The following MGAT4C variants were observed in gnomAD, a reference collection of about 807,000 sequenced individuals.
MGAT4C encodes the protein MGAT4 family member C.
A neutral mutation model predicts 40.1 loss-of-function variants in MGAT4C; 19 were observed. The observed-to-expected ratio is 0.47, with a 90% CI of 0.33 to 0.70. The LOEUF is 0.70. MGAT4C is among the 30% of genes least tolerant of loss of function. The pLI, the probability that MGAT4C is intolerant of heterozygous loss-of-function variation, is 0.02. For synonymous variants in MGAT4C, 181 were observed against 187.1 expected, an observed-to-expected ratio of 0.97 and a Z score of 0.27; for missense variants, 491 against 563.2, an observed-to-expected ratio of 0.87 and a Z score of 1.30.
At chr12:86,685,475 A>C (rs1950057569) in intron 2 of MGAT4C, among the ~76,000 whole-genome samples, 1 of 151,702 alleles carries the variant, frequency 6.6e-6, no homozygotes, top group Non-Finnish European at 1.5e-5. Flanking sequence ...AGTGCCTCCA[A>C]ATTTGTTCTT....
intron 1 of MGAT4C, among the ~76,000 whole-genome samples, chr12:86,119,588 T>C (rs1379481817): frequency 1.3e-5 from 2 of 151,984 alleles, no homozygotes; most frequent in Non-Finnish European, 2.9e-5. Context: ...TTTGTATTTT[T>C]AGTAGAGACA....
At chr12:86,698,686 G>C (rs1184875597) in intron 2 of MGAT4C, among the ~76,000 whole-genome samples, 1 of 151,936 alleles carries the variant, frequency 6.6e-6, no homozygotes, top group African/African-American at 2.4e-5. Context: ...TGTGGGGGGG[G>C]TGGGTATTCT....
intron 2 of MGAT4C, among the ~76,000 whole-genome samples, chr12:86,508,165 G>A (rs1044367331): frequency 4.0e-5 from 6 of 151,874 alleles, no homozygotes; most frequent in East Asian, 1.9e-4. Context: ...CCACTAACTC[G>A]TCATCTAGCA....
intron 1 of MGAT4C, among the ~76,000 whole-genome samples, chr12:86,231,300 A>T (rs574549352): frequency 6.6e-6 from 1 of 152,320 alleles, no homozygotes; most frequent in South Asian, 2.1e-4. Flanking sequence ...CTTAGGCAAG[A>T]TCCATTAAAA....
chr12:86,415,576 T>G (rs1364206676), intron 3 of MGAT4C, among the ~76,000 whole-genome samples: 1 of 151,980 alleles, frequency 6.6e-6, no homozygotes, highest in African/African-American at 2.4e-5. Flanking sequence ...CTATGCACAA[T>G]GGATTCATCA....
chr12:86,437,513 A>G (rs1235062328), intron 2 of MGAT4C, among the ~76,000 whole-genome samples: 5 of 151,916 alleles, frequency 3.3e-5, no homozygotes, highest in Non-Finnish European at 5.9e-5. Context: ...TAAATGACTT[A>G]TAGTATTTAT....
At chr12:86,590,940 G>A (rs1222189243) in intron 2 of MGAT4C, among the ~76,000 whole-genome samples, 5 of 151,912 alleles carry the variant, frequency 3.3e-5, no homozygotes, top group Admixed American at 1.3e-4. Context: ...ACTTGGAAAT[G>A]CATCAGAAAG....
chr12:86,687,341 T>C (rs893623708), intron 2 of MGAT4C, among the ~76,000 whole-genome samples: 3 of 152,182 alleles, frequency 2.0e-5, no homozygotes, highest in Non-Finnish European at 4.4e-5. Context: ...TCTCCTTCAG[T>C]TCTGCTGTGA....
chr12:86,339,599 A>T (rs1954865603), intron 3 of MGAT4C, among the ~76,000 whole-genome samples: 2 of 152,202 alleles, frequency 1.3e-5, no homozygotes, highest in Non-Finnish European at 2.9e-5. Flanking sequence ...CTTACCACAG[A>T]CAGATCTGAG....
At chr12:86,837,161 G>A (rs184033465) in intron 1 of MGAT4C, among the ~76,000 whole-genome samples, 18 of 152,186 alleles carry the variant, frequency 1.2e-4, no homozygotes, top group African/African-American at 4.3e-4. Flanking sequence ...AGTGAGTGGA[G>A]GGAAAAGGTT....
chr12:86,659,633 C>T (rs1963933117), intron 2 of MGAT4C, among the ~76,000 whole-genome samples: 1 of 151,822 alleles, frequency 6.6e-6, no homozygotes, highest in African/African-American at 2.4e-5. Context: ...AAGTACAAAA[C>T]AATAACAAAA....
intron 3 of MGAT4C, among the ~76,000 whole-genome samples, chr12:86,344,736 GTGTGTGTGTGTGTGTGTGTA>G (rs1262192198): frequency 2.8e-4 from 42 of 147,726 alleles, no homozygotes; most frequent in African/African-American, 9.9e-4. Flanking sequence ...GTGTGTGTGT[GTGTGTGTGTGTGTGTGTGTA>G]TGTGTGTGTG....
rs142950585 is a variant in MGAT4C, at chr12:86,031,844, G to A, written c.-7+17830C>T. ...AAATTGTGTGTCTCTGGGGTTTAGTGTAGAGATTATTTCATTACCCAGGTA... is the reference window on the plus strand; with the variant it reads ...AAATTGTGTGTCTCTGGGGTTTAGTATAGAGATTATTTCATTACCCAGGTA... On this transcript the variant is annotated intron_variant, in intron 2 of 4. Transcript: ENST00000611864. 1.8e-3 allele frequency among the ~76,000 whole-genome samples: 272 copies of A among 151,982 alleles called. 1 individual carries two copies. The highest frequency in any genetic ancestry group is 3.3e-3 in the Non-Finnish European group (222 of 67,868).
chr12:86,296,419 G>A (rs1385012465), intron 4 of MGAT4C, among the ~76,000 whole-genome samples: 1 of 81,062 alleles, frequency 1.2e-5, no homozygotes, highest in Non-Finnish European at 2.9e-5. Context: ...TCAGCCCTTG[G>A]GCGGTCGATG....
At chr12:86,602,370 T>C (rs1186263474) in intron 2 of MGAT4C, among the ~76,000 whole-genome samples, 1 of 152,178 alleles carries the variant, frequency 6.6e-6, no homozygotes, top group Non-Finnish European at 1.5e-5. Context: ...GAAAATCAAC[T>C]TCCTAAAGTG....
chr12:86,801,399 G>A (rs1226530696), intron 1 of MGAT4C, among the ~76,000 whole-genome samples: 1 of 151,808 alleles, frequency 6.6e-6, no homozygotes, highest in East Asian at 1.9e-4. Flanking sequence ...GGACTCAGTG[G>A]AAGAGATTCA....
intron 3 of MGAT4C, among the ~76,000 whole-genome samples, chr12:86,363,131 A>C (rs1489384130): frequency 6.6e-6 from 1 of 152,090 alleles, no homozygotes; most frequent in Non-Finnish European, 1.5e-5. Flanking sequence ...ACAAGTACAC[A>C]GAAAATAAGC....
intron 2 of MGAT4C, among the ~76,000 whole-genome samples, chr12:86,552,896 C>T (rs1959436234): frequency 6.6e-6 from 1 of 151,864 alleles, no homozygotes; most frequent in South Asian, 2.1e-4. Flanking sequence ...CTTTTAATGC[C>T]ATTATTTTTT....
chr12:86,217,311 A>T (rs1950710457), intron 1 of MGAT4C, among the ~76,000 whole-genome samples: 1 of 152,104 alleles, frequency 6.6e-6, no homozygotes, highest in Non-Finnish European at 1.5e-5. Flanking sequence ...AGTAGTTGGG[A>T]TTACAGGCAC....
Sources: gnomAD v4.1 joint callset for allele counts (sites outside exome capture counted in the v4.1 genomes callset) on GRCh38, gnomAD v4.1.1 for gene constraint, MANE v1.5 for transcripts, NCBI Gene and HGNC (gene_info 2026-07-23, HGNC 2026-07-21) for gene names.